Variants in CMIP observed in about 807,000 individuals in gnomAD.
CMIP encodes C-Maf-inducing protein.
CMIP carries 13 observed loss-of-function variants against 97.3 expected under a neutral mutation model. The ratio of observed to expected loss-of-function variants is 0.13; its 90% CI spans 0.09 to 0.21. The LOEUF (loss-of-function observed/expected upper bound fraction) is 0.21, where lower values mean the gene tolerates loss of function less well. CMIP is among the 10% of genes least tolerant of loss of function. The probability of loss-of-function intolerance (pLI) is 1.00; values close to 1 mark genes in which losing one functional copy is unlikely to be tolerated. For synonymous variants in CMIP, 538 were observed against 436.3 expected, an observed-to-expected ratio of 1.23 and a Z score of -2.91; for missense variants, 847 against 1,024.9, an observed-to-expected ratio of 0.83 and a Z score of 2.37.
rs775152595 is a variant in CMIP at position 81,678,474 on chromosome 16, G to A, written c.1234G>A (p.Ala412Thr). The A allele has an allele frequency of 6.3e-6, 10 of 1,592,744 alleles. No homozygotes were observed. The highest frequency in any genetic ancestry group is 1.3e-5 in the African/African-American group (1 of 74,476). Residue 412 changes from alanine to threonine, a missense_variant, in exon 10 of 21, where the codon GCC becomes ACC. Ala to Thr is a moderately conservative substitution (Grantham distance 58). Around this residue, in one of 4 missense-constraint regions of CMIP, gnomAD observed 202 missense variants for 168.7 expected, o/e 1.20. Transcript: ENST00000537098. ...CGTGGAGGTGGAACGCACCAGCACTGCCAAGCCGGCGCTGACGGCCAGCGC... is the reference window on the plus strand; with the variant it reads ...CGTGGAGGTGGAACGCACCAGCACTACCAAGCCGGCGCTGACGGCCAGCGC... ...IHVEVERTSTAKPALTASAGN... is the reference protein window; with the variant it reads ...IHVEVERTSTTKPALTASAGN...
At chr16:81,709,719 G>T in intron 20 of CMIP, 27 bp from the exon 21 acceptor site, 1 of 1,613,570 alleles carries the variant, frequency 6.2e-7, no homozygotes, top group Non-Finnish European at 8.5e-7. Flanking sequence ...GCCTACACGT[G>T]ACAAGGACTC....
intron 1 of CMIP, among the ~76,000 whole-genome samples, chr16:81,508,085 C>G (rs1167694826): frequency 1.3e-5 from 2 of 152,190 alleles, no homozygotes; most frequent in African/African-American, 4.8e-5. Context: ...GCATTCCTCC[C>G]CCAACCTTGT....
At chr16:81,620,638 A>C in intron 2 of CMIP, 1 of 495,752 alleles carries the variant, frequency 2.0e-6, no homozygotes. Flanking sequence ...ATATACAGCA[A>C]AGGAAGCACA....
In CMIP at chr16:81,627,196, G is replaced by A. The variant is rs1261425998; in HGVS notation, c.477+6270G>A. ...TGTAGGGTGACTATTTTATGAGTGT[G>A]TGTGTGTGGCATGTGGGATGACTGT... On this transcript the variant is annotated intron_variant, in intron 3 of 20. Coordinates refer to ENST00000537098, the MANE Select transcript of CMIP (RefSeq NM_198390.3). The surrounding 1 kb of genome is among the most constrained non-coding windows in gnomAD (Gnocchi z 4.6). Among the ~76,000 whole-genome samples the A allele has an allele frequency of 2.0e-5, 3 of 150,846 alleles. No individual in the cohort carries two copies. Among genetic ancestry groups the A allele is most frequent in the Non-Finnish European group, 4.4e-5 (3 of 67,606 alleles).
intron 1 of CMIP, chr16:81,518,108 G>A (rs1401097710): frequency 6.4e-6 from 1 of 156,022 alleles, no homozygotes; most frequent in African/African-American, 2.4e-5. Context: ...TCGGAAGGCT[G>A]GGGTCAATGG....
intron 11 of CMIP, among the ~76,000 whole-genome samples, 184 bp downstream of exon 11, chr16:81,692,024 C>T (rs1433171462): frequency 6.6e-6 from 1 of 152,124 alleles, no homozygotes; most frequent in Non-Finnish European, 1.5e-5. Context: ...GGCACATCTT[C>T]CCTCAGAAAA....
chr16:81,701,261 A>G (rs1391532043), intron 15 of CMIP, among the ~76,000 whole-genome samples: 2 of 152,182 alleles, frequency 1.3e-5, no homozygotes, highest in Non-Finnish European at 2.9e-5. Context: ...GCTCTGAGCC[A>G]TTCCGTGAGT....
chr16:81,461,391 T>C (rs1194897463), intron 1 of CMIP, among the ~76,000 whole-genome samples: 1 of 152,236 alleles, frequency 6.6e-6, no homozygotes, highest in Non-Finnish European at 1.5e-5. Flanking sequence ...AGTTCTGGGA[T>C]GGCAAATAAG....
At chr16:81,484,171 G>A (rs992681058) in intron 1 of CMIP, among the ~76,000 whole-genome samples, 2 of 151,980 alleles carry the variant, frequency 1.3e-5, no homozygotes, top group Admixed American at 6.6e-5. Flanking sequence ...GTCAGCTCAG[G>A]GGCCCACCAG....
intron 3 of CMIP, among the ~76,000 whole-genome samples, chr16:81,624,781 T>C (rs1243614525): frequency 3.3e-5 from 5 of 152,302 alleles, no homozygotes; most frequent in African/African-American, 4.8e-5. Flanking sequence ...ACAGGGTCGA[T>C]TGACAACCGC....
intron 3 of CMIP, among the ~76,000 whole-genome samples, chr16:81,632,418 C>G (rs532802097): frequency 6.6e-6 from 1 of 152,220 alleles, no homozygotes; most frequent in East Asian, 1.9e-4. Flanking sequence ...CACGCGGTTC[C>G]GTTCCATGCT....
chr16:81,683,039 C>A (rs1239505523), intron 10 of CMIP, among the ~76,000 whole-genome samples: 2 of 152,218 alleles, frequency 1.3e-5, no homozygotes, highest in Non-Finnish European at 2.9e-5. Flanking sequence ...TTCACACCTT[C>A]ATTTATCCAC....
At chr16:81,517,979 C>G in intron 1 of CMIP, 1 of 925,476 alleles carries the variant, frequency 1.1e-6, no homozygotes, top group Non-Finnish European at 1.3e-6. Flanking sequence ...GGAATTTTTT[C>G]ACAAAGTAAG....
intron 1 of CMIP, among the ~76,000 whole-genome samples, chr16:81,553,989 T>C (rs1199749224): frequency 6.6e-6 from 1 of 152,166 alleles, no homozygotes; most frequent in Non-Finnish European, 1.5e-5. Context: ...GAAAAGTAAT[T>C]TTCCACATCA....
intron 1 of CMIP, among the ~76,000 whole-genome samples, chr16:81,566,000 G>A (rs1247311180): frequency 6.6e-6 from 1 of 152,192 alleles, no homozygotes; most frequent in Non-Finnish European, 1.5e-5. Context: ...GACTCCAGGC[G>A]AGAAACTCGG....
chr16:81,656,105 A>G (rs2092478385), intron 4 of CMIP, among the ~76,000 whole-genome samples: 2 of 152,226 alleles, frequency 1.3e-5, no homozygotes, highest in Non-Finnish European at 2.9e-5. Flanking sequence ...ACATGCCTGC[A>G]TTCTAGGTAT....
At chr16:81,541,367 A>G (rs561368606) in intron 1 of CMIP, among the ~76,000 whole-genome samples, 116 of 152,266 alleles carry the variant, frequency 7.6e-4, no homozygotes, top group Non-Finnish European at 1.1e-3. Flanking sequence ...TGTTTTGGAG[A>G]TGTGCACGGT....
intron 1 of CMIP, among the ~76,000 whole-genome samples, chr16:81,525,394 C>T (rs1203529774): frequency 1.3e-5 from 2 of 152,172 alleles, no homozygotes; most frequent in Non-Finnish European, 2.9e-5. Context: ...CCGTGCATCT[C>T]GGCCTCCCAA....
intron 3 of CMIP, among the ~76,000 whole-genome samples, chr16:81,629,592 A>G (rs1303918641): frequency 6.6e-6 from 1 of 152,144 alleles, no homozygotes; most frequent in Non-Finnish European, 1.5e-5. Context: ...GATCACTTCA[A>G]GGTCAGCACC....
Sources: allele counts gnomAD v4.1 joint callset (sites outside exome capture counted in the v4.1 genomes callset), GRCh38; gene constraint gnomAD v4.1.1; regional missense constraint gnomAD v4.1.1; non-coding constraint Gnocchi (gnomAD v3.1); transcripts MANE v1.5; gene names NCBI Gene and HGNC (gene_info 2026-07-23, HGNC 2026-07-21).